Variants in FBXW7 observed in about 807,000 individuals in gnomAD.
FBXW7 encodes F-box and WD repeat domain containing 7, also known as F-box/WD repeat-containing protein 7.
In FBXW7, 11 loss-of-function variants were observed where a neutral mutation model predicts 86.3. The ratio of observed to expected loss-of-function variants is 0.13; its 90% CI spans 0.08 to 0.21. FBXW7 has a LOEUF of 0.21. Ranked by LOEUF, FBXW7 falls within the 10% of genes least tolerant of loss-of-function variation. The pLI is 1.00. For synonymous variants in FBXW7, 313 were observed against 297.9 expected (o/e 1.05, Z -0.52); for missense variants, 488 against 847.4 (o/e 0.58, Z 5.27).
intron 2 of FBXW7, among the ~76,000 whole-genome samples, chr4:152,413,566 C>T (rs34813642): frequency 0.031 from 4,664 of 152,154 alleles, 121 homozygotes; most frequent in African/African-American, 0.062. Context: ...AACTGAGTCT[C>T]CTTTCATGCA....
chr4:152,526,069 T>G (rs1749481598), intron 2 of FBXW7, among the ~76,000 whole-genome samples: 1 of 152,222 alleles, frequency 6.6e-6, no homozygotes, highest in Non-Finnish European at 1.5e-5. Flanking sequence ...TGAGCTTTCT[T>G]TGCTTGTTGG....
chr4:152,432,763 G>A (rs1740027904), intron 2 of FBXW7, among the ~76,000 whole-genome samples: 1 of 152,200 alleles, frequency 6.6e-6, no homozygotes, highest in African/African-American at 2.4e-5. Flanking sequence ...AGTGAGACGA[G>A]ATCGCGACAC....
intron 2 of FBXW7, among the ~76,000 whole-genome samples, chr4:152,441,020 T>C (rs1039586749): frequency 6.6e-6 from 1 of 152,178 alleles, no homozygotes; most frequent in Admixed American, 6.5e-5. Context: ...ATCTTTCTTA[T>C]TGAAATAAAA....
intron 2 of FBXW7, among the ~76,000 whole-genome samples, chr4:152,434,958 T>TCC (rs11321808): frequency 8.5e-5 from 11 of 129,322 alleles, no homozygotes; most frequent in South Asian, 5.2e-4. Context: ...TTCCCCCCGC[T>TCC]CCCCCCCCCC....
At position 152,347,127 on chromosome 4, in the gene FBXW7, A is replaced by C. The variant is rs1731351792; in HGVS notation, c.585-56T>G. On this transcript the variant is annotated intron_variant, in intron 5 of 13. Coordinates refer to ENST00000281708, the MANE Select transcript of FBXW7 (RefSeq NM_001349798.2). ...GGATAAAAGGAAAAAAACAAAAGTG[A>C]AAGCAAAGATAGATACTTATTAATA... The C allele has an allele frequency of 3.6e-5, 52 of 1,463,910 alleles. No individual in the cohort carries two copies. In the South Asian group the frequency reaches 5.7e-4, roughly 16 times the overall value. 90.7% of individuals were successfully genotyped at this position (1,463,910 alleles called of 1,614,324 possible).
intron 2 of FBXW7, among the ~76,000 whole-genome samples, chr4:152,435,278 G>A (rs1579191918): frequency 6.6e-6 from 1 of 152,048 alleles, no homozygotes; most frequent in African/African-American, 2.4e-5. Flanking sequence ...ATACTTCCTT[G>A]ATCCTTTCTT....
chr4:152,327,188 A>G (rs959292274), intron 11 of FBXW7, among the ~76,000 whole-genome samples: 2 of 152,072 alleles, frequency 1.3e-5, no homozygotes, highest in East Asian at 3.9e-4. Flanking sequence ...TGTTGAGAGA[A>G]CATAATGGAA....
intron 2 of FBXW7, among the ~76,000 whole-genome samples, chr4:152,422,452 ACTCT>A (rs566240941): frequency 6.6e-6 from 1 of 152,142 alleles, no homozygotes; most frequent in African/African-American, 2.4e-5. Flanking sequence ...ACTTTGTCAA[ACTCT>A]CTGTCTCTTT....
chr4:152,526,389 G>GT (rs1194647559), intron 2 of FBXW7, among the ~76,000 whole-genome samples: 1 of 151,958 alleles, frequency 6.6e-6, no homozygotes, highest in Non-Finnish European at 1.5e-5. Flanking sequence ...TTTATTTATT[G>GT]TATTGGCCAA....
intron 2 of FBXW7, among the ~76,000 whole-genome samples, chr4:152,438,043 G>A (rs1159981588): frequency 6.6e-6 from 1 of 151,872 alleles, no homozygotes; most frequent in Non-Finnish European, 1.5e-5. Context: ...GTGTGGTGGC[G>A]GGTGCCTGTA....
intron 8 of FBXW7, among the ~76,000 whole-genome samples, chr4:152,331,801 A>G (rs1729589792): frequency 6.6e-6 from 1 of 152,156 alleles, no homozygotes. Flanking sequence ...GAAGGCACAG[A>G]TTAATTCCAC....
intron 4 of FBXW7, among the ~76,000 whole-genome samples, chr4:152,366,909 A>T (rs1360437309): frequency 6.6e-6 from 1 of 152,202 alleles, no homozygotes. Context: ...GGATTAAGAA[A>T]ATGTGGCAAA....
At chr4:152,345,277 T>C (rs891852111) in intron 6 of FBXW7, among the ~76,000 whole-genome samples, 30 of 151,890 alleles carry the variant, frequency 2.0e-4, no homozygotes, top group African/African-American at 6.8e-4. Context: ...TTACAAACCA[T>C]CATGAACCAG....
chr4:152,466,943 A>AAATAAT (rs199581983), intron 2 of FBXW7, among the ~76,000 whole-genome samples: 2,067 of 152,146 alleles, frequency 0.014, 24 homozygotes, highest in Middle Eastern at 0.038. Context: ...TTCCGTCTCA[A>AAATAAT]AATAATAATA....
chr4:152,475,404 G>T (rs1204023414), intron 2 of FBXW7, among the ~76,000 whole-genome samples: 2 of 151,972 alleles, frequency 1.3e-5, no homozygotes, highest in Admixed American at 1.3e-4. Context: ...TCCAGCCTTC[G>T]CAACTGAGCA....
chr4:152,466,542 G>A (rs1428515328), intron 2 of FBXW7, among the ~76,000 whole-genome samples: 41 of 148,286 alleles, frequency 2.8e-4, no homozygotes, highest in African/African-American at 8.5e-4. Context: ...GCAACAGAGC[G>A]AGACTCCATT....
intron 2 of FBXW7, among the ~76,000 whole-genome samples, chr4:152,471,173 A>T (rs565965396): frequency 1.1e-3 from 152 of 138,992 alleles, no homozygotes; most frequent in Non-Finnish European, 1.7e-3. Flanking sequence ...TCTATCCACA[A>T]GCCACAGAAA....
intron 4 of FBXW7, 55 bp from the exon 5 acceptor site, chr4:152,350,179 C>T (rs2126650570): frequency 9.9e-7 from 1 of 1,005,980 alleles, no homozygotes; most frequent in Middle Eastern, 2.9e-4. Context: ...ACTATCAAAT[C>T]TTGAGTCAGC....
At chr4:152,533,155 A>G (rs1750165831) in intron 2 of FBXW7, among the ~76,000 whole-genome samples, 1 of 151,194 alleles carries the variant, frequency 6.6e-6, no homozygotes, top group African/African-American at 2.4e-5. Flanking sequence ...GCTCCATTGC[A>G]CTCCAGCCTG....
Sources: gnomAD v4.1 joint callset for allele counts (sites outside exome capture counted in the v4.1 genomes callset) on GRCh38, gnomAD v4.1.1 for gene constraint, MANE v1.5 for transcripts, NCBI Gene and HGNC (gene_info 2026-07-23, HGNC 2026-07-21) for gene names.